Variants in HSPG2 observed in about 807,000 individuals in gnomAD.
The protein encoded by HSPG2 is heparan sulfate proteoglycan 2, also known as basement membrane-specific heparan sulfate proteoglycan core protein.
In HSPG2, 278 loss-of-function variants were observed where a neutral mutation model predicts 526.6. The observed-to-expected ratio is 0.53, with a 90% CI of 0.48 to 0.58. The LOEUF is 0.58. HSPG2 is among the 20% of genes least tolerant of loss of function. The pLI, the probability that HSPG2 is intolerant of heterozygous loss-of-function variation, is 0.00. For synonymous variants in HSPG2, 2,465 were observed against 2,555.4 expected (o/e 0.96, Z 1.07); for missense variants, 5,354 against 6,099.5 (o/e 0.88, Z 4.07).
chr1:21,825,538 A>AC (rs1232422795), intron 91 of HSPG2, among the ~76,000 whole-genome samples: 2 of 150,770 alleles, frequency 1.3e-5, no homozygotes, highest in South Asian at 2.1e-4. Context: ...GTGGCTCCAC[A>AC]CCCCCCCAGC....
In HSPG2 at chr1:21,828,071, CA is replaced by C; in HGVS notation, c.12490del (p.Cys4164AlafsTer20). ...GCCAGAGAAGCCAGGGAGGCAGAGG[CA>C]GCGGGTGCCCTGGCAGGTGCCCCCA... Reference protein sequence around the residue: ...LHGGTCQGTRCLCLPGFSGPR... With the variant: ...LHGGTCQGTRXLCLPGFSGPR... On this transcript the variant is annotated frameshift_variant, in exon 90 of 97. Coordinates refer to ENST00000374695, the MANE Select transcript of HSPG2 (RefSeq NM_005529.7). LOFTEE classifies it high-confidence loss of function. This position sits in a 1 kb window ranked among gnomAD's most constrained non-coding sequence, Gnocchi z 6.0. The C allele has an allele frequency of 6.2e-7, 1 of 1,613,444 alleles. No homozygotes were observed. Among genetic ancestry groups the C allele is most frequent in the Non-Finnish European group, 8.5e-7 (1 of 1,179,982 alleles).
At position 21,875,056 on chromosome 1, in the gene HSPG2, G is replaced by A. The variant is rs540590259; in HGVS notation, c.3303-54C>T. ...GGAGTGCTGGCTCTGTGCCAGGCAC[G>A]CCTGGAGTCCTCCACTGGCAGGGTC... On this transcript the variant is annotated intron_variant, in intron 25 of 96. Coordinates refer to ENST00000374695, the MANE Select transcript of HSPG2 (RefSeq NM_005529.7). 69 of 1,305,582 alleles carry A rather than the reference G, an allele frequency of 5.3e-5. 1 individual carries two copies. The highest frequency in any genetic ancestry group is 3.9e-4 in the African/African-American group (27 of 68,674). 80.9% of individuals were successfully genotyped at this position (1,305,582 alleles called of 1,614,324 possible). A position where few individuals can be genotyped will look rare whatever the true frequency, so the allele number is the denominator to read the frequency against.
intron 1 of HSPG2, among the ~76,000 whole-genome samples, chr1:21,897,951 G>T (rs1642867338): frequency 6.6e-6 from 1 of 152,186 alleles, no homozygotes; most frequent in South Asian, 2.1e-4. Flanking sequence ...CCCCAGTCTG[G>T]TTCTGGGCTC....
rs1288875059 is a variant in HSPG2 at position 21,823,370 on chromosome 1, C to G, written c.13122G>C (p.Leu4374=). 1.9e-6 allele frequency: 3 copies of G among 1,550,754 alleles called. No individual in the cohort carries two copies. The change falls in exon 97 of 97, where the codon CTG becomes CTC. Residue 4374 remains leucine, a synonymous_variant. Transcript: ENST00000374695. ...CGGCCTGGGCGCGGTGCTGCAGGTC[C>G]AGGGGCTGTGGGGGCGGGGCGCCGG... ...ARPGAPPPQP[L]DLQHRAQAGA... is the part of the protein sequence containing the mutation.
chr1:21,841,926 C>G, intron 69 of HSPG2, 76 bp downstream of exon 69: 2 of 1,586,546 alleles, frequency 1.3e-6, no homozygotes, highest in South Asian at 2.2e-5. Flanking sequence ...ACTTCTGCCC[C>G]ACCCTTGCAC....
At chr1:21,843,526 G>T in intron 65 of HSPG2, 88 bp from the exon 66 acceptor site, 1 of 1,407,476 alleles carries the variant, frequency 7.1e-7, no homozygotes, top group Non-Finnish European at 9.7e-7. Context: ...GGACTGCCAT[G>T]CACAGATATG....
intron 57 of HSPG2, among the ~76,000 whole-genome samples, chr1:21,849,820 C>T (rs1271496925): frequency 1.3e-5 from 2 of 152,196 alleles, no homozygotes; most frequent in Admixed American, 1.3e-4. Context: ...GCTGGGATTA[C>T]AGGCGCGCAC....
chr1:21,923,405 CA>C (rs57774281), intron 1 of HSPG2, among the ~76,000 whole-genome samples: 36,340 of 147,330 alleles, frequency 0.25, 4,739 homozygotes, highest in East Asian at 0.43. Context: ...GACTCCGTCT[CA>C]AAAAAAAAAA....
intron 1 of HSPG2, among the ~76,000 whole-genome samples, chr1:21,928,043 G>A (rs1644251757): frequency 6.6e-6 from 1 of 152,232 alleles, no homozygotes; most frequent in Non-Finnish European, 1.5e-5. Context: ...TGAGCAAGGT[G>A]CATCCACCTG....
At chr1:21,874,108 G>A in intron 28 of HSPG2, 97 bp from the exon 29 acceptor site, 1 of 1,123,768 alleles carries the variant, frequency 8.9e-7, no homozygotes, top group African/African-American at 1.5e-5. Flanking sequence ...GGGAAGAACA[G>A]GCATGTGAAC....
At chr1:21,877,701 T>A (rs1413066829) in intron 21 of HSPG2, among the ~76,000 whole-genome samples, 2 of 152,074 alleles carry the variant, frequency 1.3e-5, no homozygotes, top group Non-Finnish European at 2.9e-5. Context: ...TTTCACCATG[T>A]TGGCCAGGCT....
At position 21,890,329 on chromosome 1, in the gene HSPG2, G is replaced by T; in HGVS notation, c.413+98C>A. Reference sequence around the variant, plus strand: ...TCCACCCACAGCGACTCATCCCATAGGCCTTTCCGCGGTGCCAGGCTTCCT... The same window carrying T: ...TCCACCCACAGCGACTCATCCCATATGCCTTTCCGCGGTGCCAGGCTTCCT... On this transcript the variant is annotated intron_variant, in intron 5 of 96. Transcript: ENST00000374695. The surrounding 1 kb of genome is among the most constrained non-coding windows in gnomAD (Gnocchi z 4.1). 1 of 1,340,024 alleles carries T rather than the reference G, an allele frequency of 7.5e-7. No individual in the cohort carries two copies. 83.0% of individuals were successfully genotyped at this position (1,340,024 alleles called of 1,614,324 possible).
intron 37 of HSPG2, among the ~76,000 whole-genome samples, chr1:21,863,317 G>A (rs1639973263): frequency 6.6e-6 from 1 of 150,512 alleles, no homozygotes. Context: ...AGCTTGCAGT[G>A]AGCCCAGATG....
intron 1 of HSPG2, among the ~76,000 whole-genome samples, chr1:21,902,301 C>T (rs901833451): frequency 1.3e-5 from 2 of 152,192 alleles, no homozygotes; most frequent in East Asian, 1.9e-4. Flanking sequence ...CACACAGGGG[C>T]CCCCAAGGTG....
Position 21,824,698 on chromosome 1 carries a change from T to A in HSPG2, c.12665+6A>T. The A allele has an allele frequency of 7.4e-6, 12 of 1,613,576 alleles. No homozygotes were observed. The highest frequency in any genetic ancestry group is 4.0e-5 in the African/African-American group (3 of 74,990). On this transcript the variant is annotated splice_donor_region_variant and intron_variant, in intron 92 of 96. Transcript: ENST00000374695. This position sits in a 1 kb window ranked among gnomAD's most constrained non-coding sequence, Gnocchi z 5.9. ...GGCCCATGGGCCCTTCCAATGCCAG[T>A]CTCACCTCCTGGAGAAGACATGGCC... is the stretch of plus-strand genomic sequence containing the variant.
At position 21,823,395 on chromosome 1, in the gene HSPG2, G is replaced by A. The variant is rs1370439859; in HGVS notation, c.13097C>T (p.Pro4366Leu). 8.3e-6 allele frequency: 13 copies of A among 1,563,798 alleles called. No homozygotes were observed. Among genetic ancestry groups the A allele is most frequent in the Non-Finnish European group, 1.1e-5 (13 of 1,159,438 alleles). Reference sequence around the variant, plus strand: ...CAGGGGCTGTGGGGGCGGGGCGCCGGGTCGGGCCGAGTGCAGCACCAGGTT... The same window carrying A: ...CAGGGGCTGTGGGGGCGGGGCGCCGAGTCGGGCCGAGTGCAGCACCAGGTT... ...VKNLVLHSAR[P>L]GAPPPQPLDL... The change falls in exon 97 of 97, where the codon CCC (proline) becomes CTC (leucine). Residue 4366 changes from proline to leucine, a missense_variant. Transcript: ENST00000374695.
At position 21,831,331 on chromosome 1, in the gene HSPG2, GGT is replaced by G; in HGVS notation, c.11453-9_11453-8del. On this transcript the variant is annotated splice_polypyrimidine_tract_variant and splice_region_variant and intron_variant, in intron 83 of 96. Coordinates refer to ENST00000374695, the MANE Select transcript of HSPG2 (RefSeq NM_005529.7). Reference sequence around the variant, plus strand: ...CGCAGCTCCCGGACACAGCCTGGGAGGTGAGTGGGCAGGATGAGCACAGGGCA... The same window carrying G: ...CGCAGCTCCCGGACACAGCCTGGGAGGAGTGGGCAGGATGAGCACAGGGCA... 6.2e-7 allele frequency: 1 copy of G among 1,613,550 alleles called. No individual in the cohort carries two copies. The highest frequency in any genetic ancestry group is 8.5e-7 in the Non-Finnish European group (1 of 1,179,480).
intron 1 of HSPG2, among the ~76,000 whole-genome samples, chr1:21,925,849 A>G (rs1339765896): frequency 6.6e-6 from 1 of 151,910 alleles, no homozygotes; most frequent in Non-Finnish European, 1.5e-5. Flanking sequence ...ATGAAGGGCC[A>G]GCCATTCCCT....
Position 21,878,674 on chromosome 1 carries a change from C to T in HSPG2, c.2472-11G>A. On this transcript the variant is annotated splice_polypyrimidine_tract_variant and intron_variant, in intron 18 of 96. Transcript: ENST00000374695. ...CAAGTGTCTGAGAATCTGCAGGTAT[C>T]AAGTGGACAGGGCATGGGGCAGGGC... 6.2e-7 allele frequency: 1 copy of T among 1,612,682 alleles called. No homozygotes were observed. The highest frequency in any genetic ancestry group is 1.3e-5 in the African/African-American group (1 of 75,040).
Sources: gnomAD v4.1 joint callset for allele counts (sites outside exome capture counted in the v4.1 genomes callset) on GRCh38, gnomAD v4.1.1 for gene constraint, Gnocchi (gnomAD v3.1) non-coding constraint, MANE v1.5 for transcripts, NCBI Gene and HGNC (gene_info 2026-07-23, HGNC 2026-07-21) for gene names.